HSD17B12: variants seen among roughly 807,000 people sequenced by gnomAD.
HSD17B12 encodes the protein hydroxysteroid 17-beta dehydrogenase 12, also known as very-long-chain 3-oxoacyl-CoA reductase.
In HSD17B12, 32 loss-of-function variants were observed where a neutral mutation model predicts 39.3. The ratio of observed to expected loss-of-function variants is 0.81; its 90% confidence interval spans 0.61 to 1.09. The LOEUF (loss-of-function observed/expected upper bound fraction) is 1.09. Among genes scored for constraint, HSD17B12 ranks in the 50% least tolerant of loss-of-function variants. HSD17B12 has a pLI of 0.00. For missense variants in HSD17B12, 342 were observed against 382.9 expected (o/e 0.89, Z 0.89); for synonymous variants, 150 against 146.7 (o/e 1.02, Z -0.16).
intron 1 of HSD17B12, among the ~76,000 whole-genome samples, chr11:43,688,037 C>G (rs1424275333): frequency 6.6e-6 from 1 of 152,130 alleles, no homozygotes; most frequent in Non-Finnish European, 1.5e-5. Context: ...CATGGCAAAA[C>G]CACATCTCTA....
the HSD17B12 span, among the ~76,000 whole-genome samples, chr11:43,648,111 A>G: frequency 3.3e-5 from 5 of 152,150 alleles, no homozygotes; most frequent in South Asian, 1.0e-3. Context: ...CTCAAAAAAA[A>G]TCATAAATAA....
chr11:43,707,771 T>C (rs1463372742), intron 1 of HSD17B12, among the ~76,000 whole-genome samples: 2 of 152,224 alleles, frequency 1.3e-5, no homozygotes, highest in Admixed American at 6.5e-5. Context: ...CTGTTATTTT[T>C]CCCGCACTTG....
At chr11:43,748,382 T>C (rs1210932933) in intron 1 of HSD17B12, among the ~76,000 whole-genome samples, 2 of 152,180 alleles carry the variant, frequency 1.3e-5, no homozygotes, top group African/African-American at 4.8e-5. Flanking sequence ...ATACTGCATG[T>C]TCTTACTTAT....
the HSD17B12 span, among the ~76,000 whole-genome samples, chr11:43,591,351 T>C: frequency 6.6e-6 from 1 of 152,202 alleles, no homozygotes; most frequent in African/African-American, 2.4e-5. Context: ...AAATCGTAGA[T>C]ATTTTCCTCT....
At chr11:43,788,493 A>G (rs1950836414) in intron 3 of HSD17B12, among the ~76,000 whole-genome samples, 1 of 152,060 alleles carries the variant, frequency 6.6e-6, no homozygotes, top group Non-Finnish European at 1.5e-5. Flanking sequence ...TCAGTTGTAC[A>G]GTCCTGTGGG....
At chr11:43,832,047 C>A (rs1032515725) in intron 7 of HSD17B12, among the ~76,000 whole-genome samples, 1 of 152,294 alleles carries the variant, frequency 6.6e-6, no homozygotes, top group East Asian at 1.9e-4. Context: ...TCCTTGTAAT[C>A]CCATTTTATA....
chr11:43,787,174 T>G (rs1056940546), intron 3 of HSD17B12, among the ~76,000 whole-genome samples: 2 of 152,086 alleles, frequency 1.3e-5, no homozygotes, highest in Admixed American at 6.5e-5. Flanking sequence ...GCTACTGACC[T>G]CAGGTGATCC....
intron 9 of HSD17B12, chr11:43,853,798 GAAGAAA>G (rs1300962980): frequency 7.2e-6 from 1 of 138,084 alleles, no homozygotes; most frequent in Non-Finnish European, 1.6e-5. Flanking sequence ...AAAAAAAAAA[GAAGAAA>G]AAGAAAAAAA....
intron 3 of HSD17B12, among the ~76,000 whole-genome samples, chr11:43,777,032 G>A (rs1950712857): frequency 6.6e-6 from 1 of 152,186 alleles, no homozygotes; most frequent in South Asian, 2.1e-4. Flanking sequence ...TTTGAAGTCA[G>A]GTAGTGTGAT....
At chr11:43,561,170 T>C in the HSD17B12 span, among the ~76,000 whole-genome samples, 2 of 152,230 alleles carry the variant, frequency 1.3e-5, no homozygotes, top group African/African-American at 4.8e-5. Flanking sequence ...CTGACTGATC[T>C]GTACTTAGGT....
chr11:43,584,804 G>A, the HSD17B12 span: 2 of 152,434 alleles, frequency 1.3e-5, no homozygotes, highest in South Asian at 4.1e-4. Context: ...GTCCTCAAAG[G>A]CTTAGTCCTT....
chr11:43,706,279 C>T (rs1250735049), intron 1 of HSD17B12, among the ~76,000 whole-genome samples: 1 of 152,212 alleles, frequency 6.6e-6, no homozygotes, highest in Non-Finnish European at 1.5e-5. Context: ...CATGATGGCT[C>T]ATGCCTCTAA....
chr11:43,810,393 AT>A (rs1951060620), intron 4 of HSD17B12, among the ~76,000 whole-genome samples: 2 of 78,482 alleles, frequency 2.5e-5, no homozygotes. Flanking sequence ...ATATATATAT[AT>A]ATATATATAA....
At chr11:43,557,242 T>C in the HSD17B12 span, among the ~76,000 whole-genome samples, 2 of 152,156 alleles carry the variant, frequency 1.3e-5, no homozygotes, top group Admixed American at 6.5e-5. Flanking sequence ...GTTCTGTGGT[T>C]TGGGGGTGGA....
the HSD17B12 span, among the ~76,000 whole-genome samples, chr11:43,671,727 T>C: frequency 1.3e-5 from 2 of 152,228 alleles, no homozygotes; most frequent in Non-Finnish European, 2.9e-5. Context: ...TAAAAAAGTA[T>C]ATATGTATAT....
intron 3 of HSD17B12, among the ~76,000 whole-genome samples, chr11:43,784,282 T>A (rs1185694663): frequency 6.7e-6 from 1 of 149,988 alleles, no homozygotes; most frequent in Non-Finnish European, 1.5e-5. Flanking sequence ...ATAACACAAG[T>A]AGTTTAGGTC....
chr11:43,665,561 T>C, the HSD17B12 span, among the ~76,000 whole-genome samples: 955 of 152,200 alleles, frequency 6.3e-3, 3 homozygotes, highest in Non-Finnish European at 0.011. Flanking sequence ...AATAATCCAT[T>C]GACCACTTGT....
At chr11:43,627,966 A>T in the HSD17B12 span, among the ~76,000 whole-genome samples, 1 of 151,826 alleles carries the variant, frequency 6.6e-6, no homozygotes, top group Non-Finnish European at 1.5e-5. Context: ...TTTTTTTTTA[A>T]TTGCTAGGGA....
the HSD17B12 span, among the ~76,000 whole-genome samples, chr11:43,655,069 C>G: frequency 1.3e-5 from 2 of 152,162 alleles, no homozygotes; most frequent in Non-Finnish European, 2.9e-5. Flanking sequence ...TTTGTATCCT[C>G]TTTTATTTCA....
Sources: allele counts gnomAD v4.1 joint callset (sites outside exome capture counted in the v4.1 genomes callset), GRCh38; gene constraint gnomAD v4.1.1; transcripts MANE v1.5; gene names NCBI Gene and HGNC (gene_info 2026-07-23, HGNC 2026-07-21).